CNTNAP5: variants seen among roughly 807,000 people sequenced by gnomAD.
CNTNAP5 encodes the protein contactin-associated protein-like 5.
Under a neutral mutation model 150.2 loss-of-function variants are expected in CNTNAP5, and 72 were observed. That is an observed-to-expected ratio of 0.48 (90% CI 0.40 to 0.58). The LOEUF (loss-of-function observed/expected upper bound fraction) is 0.58, where lower values mean the gene tolerates loss of function less well. Among genes scored for constraint, CNTNAP5 ranks in the 20% least tolerant of loss-of-function variants. The probability of loss-of-function intolerance (pLI) is 0.00; values close to 1 mark genes in which losing one functional copy is unlikely to be tolerated. For synonymous variants in CNTNAP5, 672 were observed against 619.8 expected (o/e 1.08, Z -1.25); for missense variants, 1,636 against 1,626.2 (o/e 1.01, Z -0.10).
At chr2:124,485,539 G>T (rs368724472) in intron 7 of CNTNAP5, among the ~76,000 whole-genome samples, 6 of 150,288 alleles carry the variant, frequency 4.0e-5, no homozygotes, top group African/African-American at 1.2e-4. Flanking sequence ...CATGAACCCG[G>T]GAGGCGGAGC....
intron 13 of CNTNAP5, among the ~76,000 whole-genome samples, chr2:124,708,823 A>G (rs1373129817): frequency 6.6e-6 from 1 of 152,198 alleles, no homozygotes; most frequent in African/African-American, 2.4e-5. Context: ...TCAGCAGTTG[A>G]TAACTGTGGT....
chr2:124,373,916 T>G (rs554801927), intron 3 of CNTNAP5, among the ~76,000 whole-genome samples: 31 of 152,212 alleles, frequency 2.0e-4, no homozygotes, highest in Middle Eastern at 3.4e-3. Flanking sequence ...TAATTTTACA[T>G]GTAACATTCA....
At chr2:124,254,669 A>T (rs1687264881) in intron 3 of CNTNAP5, among the ~76,000 whole-genome samples, 1 of 152,192 alleles carries the variant, frequency 6.6e-6, no homozygotes, top group African/African-American at 2.4e-5. Flanking sequence ...CTTTAGAATA[A>T]AAGCTGGGGA....
chr2:124,437,307 G>A (rs1414037956), intron 5 of CNTNAP5, among the ~76,000 whole-genome samples: 1 of 152,056 alleles, frequency 6.6e-6, no homozygotes, highest in Non-Finnish European at 1.5e-5. Context: ...TCTGACAATG[G>A]GGTATATTTA....
chr2:124,092,302 G>T (rs1682833881), intron 1 of CNTNAP5, among the ~76,000 whole-genome samples: 1 of 152,128 alleles, frequency 6.6e-6, no homozygotes, highest in African/African-American at 2.4e-5. Flanking sequence ...GTAGTCCAGG[G>T]GTTGGCAAAC....
intron 18 of CNTNAP5, among the ~76,000 whole-genome samples, chr2:124,796,435 A>G (rs566290278): frequency 7.9e-5 from 12 of 152,310 alleles, no homozygotes; most frequent in Admixed American, 6.5e-4. Context: ...TTCTTGAATC[A>G]AGCTGATGAT....
chr2:124,585,370 C>T (rs986126198), intron 11 of CNTNAP5, among the ~76,000 whole-genome samples: 6 of 152,196 alleles, frequency 3.9e-5, no homozygotes, highest in African/African-American at 1.4e-4. Flanking sequence ...AGCTTGCATA[C>T]TATCCTGGCA....
intron 12 of CNTNAP5, among the ~76,000 whole-genome samples, chr2:124,626,689 A>G (rs1677729801): frequency 6.6e-6 from 1 of 152,086 alleles, no homozygotes; most frequent in African/African-American, 2.4e-5. Flanking sequence ...GGGTGCCTTG[A>G]GCTCCAGTAA....
intron 19 of CNTNAP5, among the ~76,000 whole-genome samples, chr2:124,816,108 G>T (rs980990235): frequency 6.6e-6 from 1 of 152,184 alleles, no homozygotes; most frequent in Non-Finnish European, 1.5e-5. Flanking sequence ...ATACTAGGAA[G>T]CCGGGGAGCT....
intron 2 of CNTNAP5, among the ~76,000 whole-genome samples, chr2:124,236,965 T>C (rs1302739888): frequency 6.6e-6 from 1 of 152,020 alleles, no homozygotes; most frequent in Non-Finnish European, 1.5e-5. Context: ...CCGTCTCTAC[T>C]AAAAGTACAA....
chr2:124,847,534 C>T (rs1322602272), intron 19 of CNTNAP5, among the ~76,000 whole-genome samples: 2 of 152,176 alleles, frequency 1.3e-5, no homozygotes, highest in African/African-American at 4.8e-5. Context: ...TTGCCCCAAA[C>T]TATGAGTTTC....
At chr2:124,866,911 C>G (rs972501520) in intron 20 of CNTNAP5, among the ~76,000 whole-genome samples, 1 of 152,166 alleles carries the variant, frequency 6.6e-6, no homozygotes, top group African/African-American at 2.4e-5. Context: ...ACTTTGCTTT[C>G]TTATTTCTTG....
intron 3 of CNTNAP5, among the ~76,000 whole-genome samples, chr2:124,370,852 A>C (rs1284539811): frequency 6.6e-6 from 1 of 152,190 alleles, no homozygotes; most frequent in Non-Finnish European, 1.5e-5. Flanking sequence ...CATTTATTTC[A>C]TAAAACTTTT....
chr2:124,712,294 T>C (rs1679823995), intron 13 of CNTNAP5, among the ~76,000 whole-genome samples: 1 of 152,226 alleles, frequency 6.6e-6, no homozygotes. Context: ...AAGCATTTAC[T>C]TGTATTGCCT....
At chr2:124,324,542 C>A (rs1294556999) in intron 3 of CNTNAP5, among the ~76,000 whole-genome samples, 1 of 152,078 alleles carries the variant, frequency 6.6e-6, no homozygotes, top group Non-Finnish European at 1.5e-5. Flanking sequence ...TAATTGGGTC[C>A]CTTGAGTTTG....
At chr2:124,774,464 C>T (rs185452744) in intron 17 of CNTNAP5, among the ~76,000 whole-genome samples, 1 of 152,270 alleles carries the variant, frequency 6.6e-6, no homozygotes, top group East Asian at 1.9e-4. Flanking sequence ...CCAGATCCAG[C>T]AGAAGCTAAG....
At chr2:124,251,245 C>T (rs919213745) in intron 3 of CNTNAP5, among the ~76,000 whole-genome samples, 28 of 151,970 alleles carry the variant, frequency 1.8e-4, no homozygotes, top group African/African-American at 4.8e-4. Flanking sequence ...AAGAATTTTT[C>T]GGAAGTTAAT....
chr2:124,290,970 G>GA (rs1238847620), intron 3 of CNTNAP5, among the ~76,000 whole-genome samples: 5 of 151,952 alleles, frequency 3.3e-5, no homozygotes, highest in Admixed American at 2.0e-4. Flanking sequence ...AATAGGAAAT[G>GA]AAATAGTATG....
intron 11 of CNTNAP5, among the ~76,000 whole-genome samples, chr2:124,577,056 C>G (rs563102520): frequency 3.9e-5 from 6 of 152,330 alleles, no homozygotes; most frequent in African/African-American, 9.6e-5. Context: ...CCTGTTATCA[C>G]TGTAGTTCTC....
Sources: gnomAD v4.1 joint callset for allele counts (sites outside exome capture counted in the v4.1 genomes callset) on GRCh38, gnomAD v4.1.1 for gene constraint, MANE v1.5 for transcripts, NCBI Gene and HGNC (gene_info 2026-07-23, HGNC 2026-07-21) for gene names.